The following IQCE variants were observed in gnomAD, a reference collection of about 807,000 sequenced individuals.
IQCE encodes IQ domain-containing protein E.
A neutral mutation model predicts 96.0 loss-of-function variants in IQCE; 115 were observed. The ratio of observed to expected loss-of-function variants is 1.20; its 90% confidence interval spans 1.03 to 1.40. The LOEUF is 1.40. Among genes scored for constraint, IQCE ranks in the 40% most tolerant of loss-of-function variants. The pLI is 0.00. For synonymous variants in IQCE, 412 were observed against 371.2 expected, an observed-to-expected ratio of 1.11 and a Z score of -1.26; for missense variants, 1,041 against 909.1, an observed-to-expected ratio of 1.15 and a Z score of -1.87.
In IQCE at chr7:2,564,510, A is replaced by G. The variant is rs540212607; in HGVS notation, c.37-2606A>G. On this transcript the variant is annotated intron_variant, in intron 1 of 21. Coordinates refer to ENST00000402050, the MANE Select transcript of IQCE (RefSeq NM_152558.5). ...CTACTCAGGAGGCTGAGGCAGGAGA[A>G]TCGCTTGTACCCGGGAGGTGGAGGT... 1.3e-3 allele frequency among the ~76,000 whole-genome samples: 193 copies of G among 152,162 alleles called. 1 individual carries two copies. Among genetic ancestry groups the G allele is most frequent in the African/African-American group, 4.5e-3 (186 of 41,508 alleles).
rs1583532172 is a variant in IQCE, at chr7:2,610,966, C to G, written c.*804C>G. 1 of 152,596 alleles carries G rather than the reference C, an allele frequency of 6.6e-6. No homozygotes were observed. Among genetic ancestry groups the G allele is most frequent in the African/African-American group, 2.4e-5 (1 of 41,436 alleles). 9.5% of individuals were successfully genotyped at this position (152,596 alleles called of 1,614,324 possible). On this transcript the variant is annotated 3_prime_UTR_variant, in exon 22 of 22. Coordinates refer to ENST00000402050, the MANE Select transcript of IQCE (RefSeq NM_152558.5). ...GGAGCCTTAGCCTGTGTGGGGCCACCCGGGGAAGAGGAGGAGAGGAGGGTG... is the reference window on the plus strand; with the variant it reads ...GGAGCCTTAGCCTGTGTGGGGCCACGCGGGGAAGAGGAGGAGAGGAGGGTG...
rs1391585571 is a variant in IQCE, at chr7:2,604,884, G to A, written c.1636G>A (p.Ala546Thr). The A allele has an allele frequency of 1.2e-6, 2 of 1,612,834 alleles. No homozygotes were observed. Among genetic ancestry groups the A allele is most frequent in the Non-Finnish European group, 1.7e-6 (2 of 1,179,138 alleles). ...KKKKAVLDEA[A>T]VVLQAAFRGH... is the part of the protein sequence containing the mutation. ...TCCCTGCTTCCTTCCCTGACAGGCGGCTGTGGTGCTTCAGGCAGCTTTCAG... is the reference window on the plus strand; with the variant it reads ...TCCCTGCTTCCTTCCCTGACAGGCGACTGTGGTGCTTCAGGCAGCTTTCAG... The change falls in exon 19 of 22, where the codon GCT (alanine) becomes ACT (threonine). Residue 546 changes from alanine to threonine, a missense_variant. Transcript: ENST00000402050.
Position 2,578,368 on chromosome 7 carries a change from C to T in IQCE, c.579+13C>T, listed in dbSNP as rs1200730805. Reference sequence around the variant, plus strand: ...GGATCCCAGCCGCGTAAGCTCCTGGCGCTTCACGGACGGGGCAAGGGGAGG... The same window carrying T: ...GGATCCCAGCCGCGTAAGCTCCTGGTGCTTCACGGACGGGGCAAGGGGAGG... On this transcript the variant is annotated intron_variant, in intron 7 of 21. Coordinates refer to ENST00000402050, the MANE Select transcript of IQCE (RefSeq NM_152558.5). The T allele has an allele frequency of 5.6e-6, 9 of 1,611,870 alleles. No homozygotes were observed. The highest frequency in any genetic ancestry group is 1.7e-5 in the Admixed American group (1 of 60,024).
At position 2,589,935 on chromosome 7, in the gene IQCE, C is replaced by G; in HGVS notation, c.1073C>G (p.Ser358Ter). 6.2e-7 allele frequency: 1 copy of G among 1,613,922 alleles called. No individual in the cohort carries two copies. The highest frequency in any genetic ancestry group is 8.5e-7 in the Non-Finnish European group (1 of 1,180,030). ...CTAAGTGTGATGGAGAGCTCAAAAT[C>G]ACACGCCGCAGAGCCAGTCAGATCA... Reference protein sequence around the residue: ...KKLSVMESSKSHAAEPVRSHP... With the variant: ...KKLSVMESSK The change falls in exon 14 of 22, where the codon TCA becomes TGA. Residue 358 changes from serine (S) to a stop codon, truncating the protein, a stop_gained. Transcript: ENST00000402050. LOFTEE classifies it high-confidence loss of function.
chr7:2,604,900 C>T lies in IQCE; in HGVS notation c.1652C>T (p.Ala551Val). ...VLDEAAVVLQ[A>V]AFRGHLTRTK... ...TGACAGGCGGCTGTGGTGCTTCAGG[C>T]AGCTTTCAGGGGACATCTCACGCGG... Residue 551 changes from alanine to valine, a missense_variant, in exon 19 of 22, where the codon GCA becomes GTA. Physicochemically the swap from Ala to Val is moderately conservative, Grantham distance 64. Transcript: ENST00000402050. The T allele has an allele frequency of 1.2e-6, 2 of 1,613,600 alleles. No individual in the cohort carries two copies. Among genetic ancestry groups the T allele is most frequent in the South Asian group, 2.2e-5 (2 of 91,074 alleles).
At chr7:2,577,765 G>A (rs1280619991) in intron 6 of IQCE, among the ~76,000 whole-genome samples, 3 of 130,520 alleles carry the variant, frequency 2.3e-5, no homozygotes, top group African/African-American at 9.0e-5. Context: ...GGCTGTGCGC[G>A]CGGGGACCTG....
At chr7:2,605,679 T>C (rs1583518637) in intron 19 of IQCE, among the ~76,000 whole-genome samples, 197 bp from the exon 20 acceptor site, 1 of 151,390 alleles carries the variant, frequency 6.6e-6, no homozygotes, top group Non-Finnish European at 1.5e-5. Flanking sequence ...TAAATAAGAA[T>C]CCCTACAGTT....
At chr7:2,573,174 G>A (rs192732745) in intron 5 of IQCE, among the ~76,000 whole-genome samples, 1 of 152,148 alleles carries the variant, frequency 6.6e-6, no homozygotes, top group Admixed American at 6.5e-5. Context: ...CATGAAACTT[G>A]GTCTTCACAT....
At chr7:2,570,367 A>G (rs989723414) in intron 3 of IQCE, among the ~76,000 whole-genome samples, 3 of 151,912 alleles carry the variant, frequency 2.0e-5, no homozygotes, top group African/African-American at 7.3e-5. Flanking sequence ...TTAGGAGGGA[A>G]ATGTAATGTG....
At chr7:2,597,430 A>G (rs930355) in intron 16 of IQCE, among the ~76,000 whole-genome samples, 49,829 of 152,176 alleles carry the variant, frequency 0.33, 8,396 homozygotes, top group East Asian at 0.48. Flanking sequence ...ACACACAGAA[A>G]ATGAAAAGCC....
chr7:2,600,744 A>T (rs2917728), intron 17 of IQCE, among the ~76,000 whole-genome samples: 2 of 152,012 alleles, frequency 1.3e-5, no homozygotes, highest in Non-Finnish European at 2.9e-5. Context: ...CAAATGTGGG[A>T]CGTGCACTCT....
At chr7:2,579,063 T>C (rs910524169) in intron 8 of IQCE, among the ~76,000 whole-genome samples, 1 of 147,976 alleles carries the variant, frequency 6.8e-6, no homozygotes, top group Non-Finnish European at 1.5e-5. Context: ...AAAAAGGTGC[T>C]ACAGATGTAA....
intron 20 of IQCE, among the ~76,000 whole-genome samples, chr7:2,606,735 G>A (rs936627362): frequency 6.6e-6 from 1 of 152,160 alleles, no homozygotes; most frequent in Non-Finnish European, 1.5e-5. Flanking sequence ...CAGGAGTCAG[G>A]GACCCATCCC....
chr7:2,598,303 T>G, intron 16 of IQCE, 162 bp from the exon 17 acceptor site: 1 of 613,566 alleles, frequency 1.6e-6, no homozygotes, highest in Non-Finnish European at 2.8e-6. Flanking sequence ...ACCGCTGTCA[T>G]GTGGTCTGCA....
intron 6 of IQCE, among the ~76,000 whole-genome samples, chr7:2,576,828 G>T (rs1444728852): frequency 6.6e-6 from 1 of 152,234 alleles, no homozygotes; most frequent in Non-Finnish European, 1.5e-5. Context: ...TGAAATGCAT[G>T]TTAGCCTTGG....
intron 9 of IQCE, 88 bp from the exon 10 acceptor site, chr7:2,583,549 C>T (rs1327779196): frequency 2.0e-6 from 2 of 1,004,414 alleles, no homozygotes; most frequent in Non-Finnish European, 1.5e-6. Flanking sequence ...AGCCTCTCCT[C>T]TTCTGAACGT....
chr7:2,590,329 C>T (rs889649355), intron 14 of IQCE, among the ~76,000 whole-genome samples: 9 of 152,230 alleles, frequency 5.9e-5, no homozygotes, highest in Non-Finnish European at 1.0e-4. Flanking sequence ...GCTCTCACTC[C>T]CTATGGAAAC....
In IQCE at chr7:2,578,495, C is replaced by G. The variant is rs776189999; in HGVS notation, c.599C>G (p.Thr200Ser). 6.2e-7 allele frequency: 1 copy of G among 1,614,204 alleles called. No individual in the cohort carries two copies. Among genetic ancestry groups the G allele is most frequent in the Non-Finnish European group, 8.5e-7 (1 of 1,180,026 alleles). ...DPSRGTDFVR[T>S]LAEKRPDASW... ...CCACAGGGCACGGATTTTGTTCGGA[C>G]TCTGGCAGAGAAAAGGCCCGATGCC... Residue 200 changes from threonine to serine, a missense_variant, in exon 8 of 22, where the codon ACT becomes AGT. By Grantham distance (58) the Thr-to-Ser change is moderately conservative. Transcript: ENST00000402050.
intron 12 of IQCE, 62 bp from the exon 13 acceptor site, chr7:2,587,760 A>C (rs1783235850): frequency 6.7e-7 from 1 of 1,502,190 alleles, no homozygotes; most frequent in Non-Finnish European, 9.3e-7. Flanking sequence ...ATACCTGAGA[A>C]GGGTGGCCCT....
Sources: allele counts gnomAD v4.1 joint callset (sites outside exome capture counted in the v4.1 genomes callset), GRCh38; gene constraint gnomAD v4.1.1; transcripts MANE v1.5; gene names NCBI Gene and HGNC (gene_info 2026-07-23, HGNC 2026-07-21).